COL13A1: variants seen among roughly 807,000 people sequenced by gnomAD.
COL13A1 encodes the protein collagen type XIII alpha 1 chain.
COL13A1 carries 89 observed loss-of-function variants against 130.9 expected under a neutral mutation model. That is an observed-to-expected ratio of 0.68 (90% confidence interval 0.57 to 0.81). COL13A1 has a LOEUF of 0.81. Ranked by LOEUF, COL13A1 falls within the 30% of genes least tolerant of loss-of-function variation. The pLI, the probability that COL13A1 is intolerant of heterozygous loss-of-function variation, is 0.00. For synonymous variants in COL13A1, 402 were observed against 341.6 expected, an observed-to-expected ratio of 1.18 and a Z score of -1.95; for missense variants, 879 against 934.6, an observed-to-expected ratio of 0.94 and a Z score of 0.78.
intron 1 of COL13A1, among the ~76,000 whole-genome samples, chr10:69,806,457 A>G (rs1259650123): frequency 6.6e-6 from 1 of 152,230 alleles, no homozygotes; most frequent in Non-Finnish European, 1.5e-5. Context: ...GGGGTTGTGC[A>G]GAGCCGGGAT....
intron 8 of COL13A1, among the ~76,000 whole-genome samples, 151 bp downstream of exon 8, chr10:69,887,642 A>G (rs974740869): frequency 2.0e-5 from 3 of 152,126 alleles, no homozygotes; most frequent in African/African-American, 7.2e-5. Flanking sequence ...ATGGACACCA[A>G]CTCAGGACAG....
At chr10:69,848,999 C>T (rs7903891) in intron 2 of COL13A1, among the ~76,000 whole-genome samples, 1 of 152,358 alleles carries the variant, frequency 6.6e-6, no homozygotes, top group East Asian at 1.9e-4. Flanking sequence ...TTGACACCCC[C>T]CTGCACCACC....
intron 1 of COL13A1, among the ~76,000 whole-genome samples, chr10:69,804,635 G>A (rs545885615): frequency 2.9e-5 from 4 of 139,658 alleles, no homozygotes; most frequent in East Asian, 4.4e-4. Flanking sequence ...TGTTCTTTGC[G>A]CTGTATCCTG....
chr10:69,871,023 C>T (rs2059016221), intron 3 of COL13A1, among the ~76,000 whole-genome samples: 1 of 152,042 alleles, frequency 6.6e-6, no homozygotes, highest in African/African-American at 2.4e-5. Context: ...GCAAATTGCC[C>T]CTTCTGTTCC....
At chr10:69,916,877 G>T (rs2063983277) in intron 17 of COL13A1, among the ~76,000 whole-genome samples, 1 of 152,176 alleles carries the variant, frequency 6.6e-6, no homozygotes. Flanking sequence ...TGAAAATGAG[G>T]CAAGAAGTCC....
intron 2 of COL13A1, among the ~76,000 whole-genome samples, chr10:69,823,084 T>G (rs1223947416): frequency 1.3e-5 from 2 of 152,230 alleles, no homozygotes; most frequent in African/African-American, 4.8e-5. Flanking sequence ...AGCCCTGACC[T>G]GTCTATTCTA....
intron 2 of COL13A1, among the ~76,000 whole-genome samples, chr10:69,854,134 T>C (rs1046005213): frequency 3.3e-4 from 50 of 152,204 alleles, no homozygotes; most frequent in African/African-American, 7.0e-4. Context: ...CTGGAGGCCA[T>C]ACAGCTCACT....
intron 38 of COL13A1, among the ~76,000 whole-genome samples, chr10:69,947,623 C>T (rs2068751463): frequency 6.6e-6 from 1 of 152,102 alleles, no homozygotes. Flanking sequence ...TCCATGTGTC[C>T]AGCTCTTTCT....
chr10:69,941,919 G>A (rs934341024), intron 35 of COL13A1, among the ~76,000 whole-genome samples: 1 of 152,176 alleles, frequency 6.6e-6, no homozygotes, highest in Non-Finnish European at 1.5e-5. Context: ...GCCCCTTCCA[G>A]CCAGGGAGGC....
intron 40 of COL13A1, among the ~76,000 whole-genome samples, chr10:69,958,136 C>A (rs779126840): frequency 6.6e-6 from 1 of 152,166 alleles, no homozygotes; most frequent in Non-Finnish European, 1.5e-5. Flanking sequence ...AAGAGAGATG[C>A]CTCCCCAGAA....
At chr10:69,870,563 C>G (rs545036348) in intron 3 of COL13A1, among the ~76,000 whole-genome samples, 1 of 151,764 alleles carries the variant, frequency 6.6e-6, no homozygotes, top group Non-Finnish European at 1.5e-5. Flanking sequence ...TCAAGCCATC[C>G]TCCTGCCTCA....
intron 25 of COL13A1, 81 bp from the exon 26 acceptor site, chr10:69,925,723 G>T (rs2135715284): frequency 9.8e-7 from 1 of 1,019,434 alleles, no homozygotes; most frequent in South Asian, 1.4e-5. Flanking sequence ...CAGCCAGTGT[G>T]GGCTGATAGA....
At chr10:69,938,210 C>A (rs2067194205) in intron 34 of COL13A1, among the ~76,000 whole-genome samples, 1 of 152,202 alleles carries the variant, frequency 6.6e-6, no homozygotes, top group Non-Finnish European at 1.5e-5. Context: ...CGTTCATCTC[C>A]TGGGTTCGTG....
At chr10:69,865,082 T>C (rs1377774061) in intron 2 of COL13A1, among the ~76,000 whole-genome samples, 1 of 143,336 alleles carries the variant, frequency 7.0e-6, no homozygotes, top group African/African-American at 2.5e-5. Context: ...TATGGTGTGC[T>C]CTGTTAGGAA....
At chr10:69,947,080 G>A (rs2068670296) in intron 37 of COL13A1, among the ~76,000 whole-genome samples, 1 of 152,198 alleles carries the variant, frequency 6.6e-6, no homozygotes, top group South Asian at 2.1e-4. Flanking sequence ...GAGCCACCGT[G>A]CCCAGCCTGA....
At chr10:69,852,896 T>C (rs1014943820) in intron 2 of COL13A1, among the ~76,000 whole-genome samples, 2 of 152,218 alleles carry the variant, frequency 1.3e-5, no homozygotes, top group African/African-American at 4.8e-5. Flanking sequence ...CCCAGTGCCT[T>C]GACAGAAAGG....
At chr10:69,854,617 G>A (rs1855884312) in intron 2 of COL13A1, among the ~76,000 whole-genome samples, 2 of 151,788 alleles carry the variant, frequency 1.3e-5, no homozygotes, top group African/African-American at 2.4e-5. Context: ...TCTGGTTAGA[G>A]GTTCTACATC....
At chr10:69,889,307 CG>C (rs932116642) in intron 9 of COL13A1, 106 bp from the exon 10 acceptor site, 54 of 1,397,736 alleles carry the variant, frequency 3.9e-5, no homozygotes, top group Non-Finnish European at 4.8e-5. Context: ...GGGAGGAGCA[CG>C]GGGGGCAGGG....
chr10:69,850,091 GGAGGT>G, intron 2 of COL13A1, among the ~76,000 whole-genome samples: 1 of 152,268 alleles, frequency 6.6e-6, no homozygotes, highest in South Asian at 2.1e-4. Flanking sequence ...TGGGTGAGCT[GGAGGT>G]GGAGGGAGGC....
Sources: gnomAD v4.1 joint callset for allele counts (sites outside exome capture counted in the v4.1 genomes callset) on GRCh38, gnomAD v4.1.1 for gene constraint, MANE v1.5 for transcripts, NCBI Gene and HGNC (gene_info 2026-07-23, HGNC 2026-07-21) for gene names.